The following SLCO2B1 variants were observed in gnomAD, a reference collection of about 807,000 sequenced individuals.
SLCO2B1 encodes OATP-RP2.
In SLCO2B1, 41 loss-of-function variants were observed where a neutral mutation model predicts 67.3. That is an observed-to-expected ratio of 0.61 (90% confidence interval 0.47 to 0.79). SLCO2B1 has a LOEUF of 0.79. SLCO2B1 is among the 30% of genes least tolerant of loss of function. The probability of loss-of-function intolerance (pLI) is 0.00; values close to 1 mark genes in which losing one functional copy is unlikely to be tolerated. For missense variants in SLCO2B1, 837 were observed against 920.1 expected (o/e 0.91, Z 1.17); for synonymous variants, 379 against 381.4 (o/e 0.99, Z 0.07).
At chr11:75,161,655 G>T (rs923062575) in intron 1 of SLCO2B1, among the ~76,000 whole-genome samples, 2 of 152,194 alleles carry the variant, frequency 1.3e-5, no homozygotes, top group East Asian at 3.9e-4. Flanking sequence ...AACTCCTGCC[G>T]GTGGTGAGAG....
At chr11:75,160,252 G>A (rs1366059858) in intron 1 of SLCO2B1, among the ~76,000 whole-genome samples, 2 of 152,228 alleles carry the variant, frequency 1.3e-5, no homozygotes, top group Non-Finnish European at 1.5e-5. Context: ...ACAGAGAAAA[G>A]CACTGTGCTT....
intron 8 of SLCO2B1, among the ~76,000 whole-genome samples, chr11:75,190,879 G>A (rs944959814): frequency 1.3e-5 from 2 of 152,220 alleles, no homozygotes; most frequent in African/African-American, 4.8e-5. Flanking sequence ...TGTGCTAAGG[G>A]AAGCCCTGTC....
intron 7 of SLCO2B1, among the ~76,000 whole-genome samples, chr11:75,180,824 A>C (rs1310196010): frequency 6.6e-6 from 1 of 152,236 alleles, no homozygotes; most frequent in Non-Finnish European, 1.5e-5. Context: ...ATCTTATACC[A>C]GAGGGACTTG....
chr11:75,202,677 C>T (rs1327549855), intron 11 of SLCO2B1: 1 of 588,888 alleles, frequency 1.7e-6, no homozygotes, highest in Non-Finnish European at 3.0e-6. Flanking sequence ...GCACAGGACC[C>T]TGATGGTCAG....
chr11:75,190,159 T>A (rs958888402), intron 8 of SLCO2B1, among the ~76,000 whole-genome samples: 1 of 152,204 alleles, frequency 6.6e-6, no homozygotes, highest in Non-Finnish European at 1.5e-5. Context: ...AATTGCTTAT[T>A]AATCACTGTT....
chr11:75,176,622 G>A lies in SLCO2B1; in HGVS notation c.972+4053G>A, dbSNP rs114907534. Among the ~76,000 whole-genome samples the A allele has an allele frequency of 3.1e-3, 477 of 152,300 alleles. 6 individuals carry two copies. The highest frequency in any genetic ancestry group is 0.011 in the African/African-American group (452 of 41,556). ...AGTCTGTAAGCCTGTGATGTCCACT[G>A]TCTCCCAGTCGTTAACTTCCATGTT... is the stretch of plus-strand genomic sequence containing the variant. On this transcript the variant is annotated intron_variant, in intron 7 of 13. Transcript: ENST00000289575.
chr11:75,181,923 C>G (rs1950095767), intron 7 of SLCO2B1, among the ~76,000 whole-genome samples: 1 of 152,232 alleles, frequency 6.6e-6, no homozygotes, highest in Admixed American at 6.5e-5. Context: ...CGGCAGAAAT[C>G]TGTGGAGAAC....
At chr11:75,157,995 A>T (rs1949767549) in intron 1 of SLCO2B1, among the ~76,000 whole-genome samples, 1 of 152,160 alleles carries the variant, frequency 6.6e-6, no homozygotes, top group African/African-American at 2.4e-5. Context: ...GGGCCTTCAG[A>T]AATGAAGACC....
intron 1 of SLCO2B1, among the ~76,000 whole-genome samples, chr11:75,161,487 G>A (rs141528455): frequency 6.6e-6 from 1 of 152,306 alleles, no homozygotes; most frequent in African/African-American, 2.4e-5. Context: ...CAGGTACCTT[G>A]TAAGAGGAGC....
intron 9 of SLCO2B1, 198 bp from the exon 10 acceptor site, chr11:75,196,316 G>C (rs898587651): frequency 3.4e-5 from 20 of 582,778 alleles, no homozygotes; most frequent in Non-Finnish European, 6.1e-5. Context: ...GGATTGAGGG[G>C]GCCTGTCTCC....
At chr11:75,167,098 G>A (rs1949902576) in intron 4 of SLCO2B1, among the ~76,000 whole-genome samples, 1 of 152,194 alleles carries the variant, frequency 6.6e-6, no homozygotes, top group South Asian at 2.1e-4. Context: ...AATAGGGGAA[G>A]GACCTTGGCA....
In SLCO2B1 at chr11:75,155,084, G is replaced by A. The variant is rs1221666458; in HGVS notation, c.16+3687G>A. ...CAGGAAGTCTCAGCTCAGGGTCCCT[G>A]ACTGAGCTGGGAAACCACCAGAAAG... On this transcript the variant is annotated intron_variant, in intron 1 of 13. Coordinates refer to ENST00000289575, the MANE Select transcript of SLCO2B1 (RefSeq NM_007256.5). Among the ~76,000 whole-genome samples the A allele has an allele frequency of 2.6e-5, 4 of 152,184 alleles. No homozygotes were observed. The East Asian group carries it at 7.7e-4, about 29-fold the overall frequency.
intron 1 of SLCO2B1, among the ~76,000 whole-genome samples, chr11:75,160,865 C>A (rs1174668169): frequency 6.6e-6 from 1 of 152,238 alleles, no homozygotes; most frequent in South Asian, 2.1e-4. Context: ...AAATGCAAAC[C>A]AAAACCACAC....
chr11:75,162,724 C>T lies in SLCO2B1; in HGVS notation c.86C>T (p.Pro29Leu), dbSNP rs746464858. 1.9e-6 allele frequency: 3 copies of T among 1,613,914 alleles called. No individual in the cohort carries two copies. The highest frequency in any genetic ancestry group is 3.3e-5 in the Admixed American group (2 of 60,006). The change falls in exon 2 of 14, where the codon CCT becomes CTT. Residue 29 changes from proline (P) to leucine (L), a missense_variant. By Grantham distance (98) the Pro-to-Leu change is moderately conservative. Transcript: ENST00000289575. ...TKATMGTENT[P>L]GGKASPDPQD... ...GCCACAATGGGCACAGAAAACACAC[C>T]TGGAGGCAAAGCCAGCCCAGACCCT...
rs527831676 is a variant in SLCO2B1, at chr11:75,196,850, C to A, written c.1599+171C>A. ...TATTCTCACAATAAGCTTTCACTGGCCAGGAGCAGTGGCTTATGCCTGTAA... is the reference window on the plus strand; with the variant it reads ...TATTCTCACAATAAGCTTTCACTGGACAGGAGCAGTGGCTTATGCCTGTAA... On this transcript the variant is annotated intron_variant, in intron 10 of 13. Coordinates refer to ENST00000289575, the MANE Select transcript of SLCO2B1 (RefSeq NM_007256.5). Among the ~76,000 whole-genome samples, 5 of 152,326 alleles carry A rather than the reference C, an allele frequency of 3.3e-5. No homozygotes were observed. In the South Asian group the frequency reaches 8.3e-4, roughly 25 times the overall value.
chr11:75,175,116 C>T (rs893538810), intron 7 of SLCO2B1, among the ~76,000 whole-genome samples: 5 of 152,158 alleles, frequency 3.3e-5, no homozygotes, highest in Admixed American at 2.0e-4. Flanking sequence ...ATTCTGTCAG[C>T]ACACTGGGGA....
chr11:75,184,249 C>G (rs1950123065), intron 7 of SLCO2B1, among the ~76,000 whole-genome samples: 1 of 152,196 alleles, frequency 6.6e-6, no homozygotes, highest in Non-Finnish European at 1.5e-5. Context: ...GCCCCAGGCT[C>G]TTGCTAGGCA....
intron 7 of SLCO2B1, among the ~76,000 whole-genome samples, chr11:75,174,594 A>G (rs970648534): frequency 3.3e-5 from 5 of 152,232 alleles, no homozygotes; most frequent in African/African-American, 4.8e-5. Context: ...AGCAGCTGCC[A>G]GGGAGTGAGC....
intron 9 of SLCO2B1, among the ~76,000 whole-genome samples, chr11:75,195,728 CCT>C (rs1013182640): frequency 6.6e-6 from 1 of 152,228 alleles, no homozygotes. Context: ...CCACTGGACC[CCT>C]GTGTGACCCT....
Sources: allele counts gnomAD v4.1 joint callset (sites outside exome capture counted in the v4.1 genomes callset), GRCh38; gene constraint gnomAD v4.1.1; transcripts MANE v1.5; gene names NCBI Gene and HGNC (gene_info 2026-07-23, HGNC 2026-07-21).